The following RSU1 variants were observed in gnomAD, a reference collection of about 807,000 sequenced individuals.
The protein encoded by RSU1 is Ras suppressor protein 1.
Under a neutral mutation model 31.1 loss-of-function variants are expected in RSU1, and 26 were observed. The ratio of observed to expected loss-of-function variants is 0.84; its 90% CI spans 0.61 to 1.16. The LOEUF (loss-of-function observed/expected upper bound fraction) is 1.16. Among genes scored for constraint, RSU1 ranks in the 50% most tolerant of loss-of-function variants. RSU1 has a pLI of 0.00. For missense variants in RSU1, 320 were observed against 339.1 expected (o/e 0.94, Z 0.44); for synonymous variants, 164 against 136.3 (o/e 1.20, Z -1.41).
At chr10:16,801,108 A>AAAG (rs1838147770) in intron 2 of RSU1, among the ~76,000 whole-genome samples, 4 of 149,670 alleles carry the variant, frequency 2.7e-5, no homozygotes, top group Admixed American at 6.7e-5. Flanking sequence ...AAAAAAAAAA[A>AAAG]CAGGATCTAA....
intron 8 of RSU1, among the ~76,000 whole-genome samples, chr10:16,658,924 C>A (rs1834836879): frequency 6.6e-6 from 1 of 152,110 alleles, no homozygotes; most frequent in Non-Finnish European, 1.5e-5. Context: ...CTGTATTGTT[C>A]CAAATGTTAA....
At chr10:16,713,006 C>T (rs1451998415) in intron 7 of RSU1, among the ~76,000 whole-genome samples, 1 of 152,150 alleles carries the variant, frequency 6.6e-6, no homozygotes, top group African/African-American at 2.4e-5. Flanking sequence ...CCCACAAGCC[C>T]CCCTTCTTTC....
chr10:16,712,848 G>A (rs1836049268), intron 7 of RSU1, among the ~76,000 whole-genome samples: 1 of 151,972 alleles, frequency 6.6e-6, no homozygotes, highest in Admixed American at 6.6e-5. Flanking sequence ...TTTTCCAGTG[G>A]TAGCACTCCC....
intron 7 of RSU1, among the ~76,000 whole-genome samples, chr10:16,727,750 G>A (rs1399607464): frequency 2.0e-5 from 3 of 152,036 alleles, no homozygotes; most frequent in Admixed American, 6.5e-5. Context: ...CTAGCCAAAC[G>A]GCATCGTGCT....
intron 3 of RSU1, among the ~76,000 whole-genome samples, chr10:16,774,153 C>G (rs1327774982): frequency 6.6e-6 from 1 of 151,452 alleles, no homozygotes; most frequent in African/African-American, 2.4e-5. Flanking sequence ...CTGTTCAACC[C>G]TGGGAGCTAC....
At chr10:16,719,565 G>C (rs923042746) in intron 7 of RSU1, among the ~76,000 whole-genome samples, 1 of 152,102 alleles carries the variant, frequency 6.6e-6, no homozygotes, top group Non-Finnish European at 1.5e-5. Context: ...TCTTATTTTA[G>C]TTTCTCCCAG....
rs74990616 is a variant in RSU1, at chr10:16,610,682, A to G, written c.732-17186T>C. Among the ~76,000 whole-genome samples the G allele has an allele frequency of 7.8e-4, 119 of 152,316 alleles. 1 individual carries two copies. The East Asian group carries it at 8.3e-3, about 11-fold the overall frequency. On this transcript the variant is annotated intron_variant, in intron 8 of 8. Coordinates refer to ENST00000345264, the MANE Select transcript of RSU1 (RefSeq NM_012425.4). ...CTGATTGTGTATTATGGTGTACTGT[A>G]TATTTATTTCATTATACATTACAAT...
chr10:16,596,177 T>C (rs149428294), intron 8 of RSU1, among the ~76,000 whole-genome samples: 55 of 152,174 alleles, frequency 3.6e-4, no homozygotes, highest in African/African-American at 1.3e-3. Flanking sequence ...CTGCCCCCAA[T>C]TTCCAAAGAT....
chr10:16,629,697 C>T (rs1469847981), intron 8 of RSU1, among the ~76,000 whole-genome samples: 1 of 152,148 alleles, frequency 6.6e-6, no homozygotes, highest in Non-Finnish European at 1.5e-5. Flanking sequence ...CATACTTGTT[C>T]TGCTCTGGAA....
intron 7 of RSU1, among the ~76,000 whole-genome samples, chr10:16,737,615 G>A (rs1031668273): frequency 6.6e-6 from 1 of 151,900 alleles, no homozygotes; most frequent in African/African-American, 2.4e-5. Flanking sequence ...AAATTCTTCA[G>A]GATAAAGGCA....
chr10:16,691,170 T>G (rs931138547), intron 8 of RSU1, among the ~76,000 whole-genome samples: 2 of 152,172 alleles, frequency 1.3e-5, no homozygotes, highest in African/African-American at 4.8e-5. Context: ...AGTAGCCAAA[T>G]ACCTGCTAAT....
chr10:16,795,919 C>G (rs1019582197), intron 2 of RSU1, among the ~76,000 whole-genome samples: 1 of 152,196 alleles, frequency 6.6e-6, no homozygotes, highest in East Asian at 1.9e-4. Flanking sequence ...CTCCATTCTC[C>G]GCTTGAGCAG....
chr10:16,720,841 C>T (rs1836242491), intron 7 of RSU1, among the ~76,000 whole-genome samples: 1 of 152,102 alleles, frequency 6.6e-6, no homozygotes, highest in Non-Finnish European at 1.5e-5. Flanking sequence ...CAGTCATTAG[C>T]TGGGCATGGT....
chr10:16,641,764 C>A (rs1355817882), intron 8 of RSU1, among the ~76,000 whole-genome samples: 1 of 152,200 alleles, frequency 6.6e-6, no homozygotes, highest in Non-Finnish European at 1.5e-5. Context: ...AGGTTCACAT[C>A]CAGTAGCAGT....
chr10:16,616,647 A>G (rs1003876198), intron 8 of RSU1, among the ~76,000 whole-genome samples: 1 of 152,324 alleles, frequency 6.6e-6, no homozygotes, highest in Non-Finnish European at 1.5e-5. Flanking sequence ...ATCCAGCAGC[A>G]CATCAAAAAG....
intron 4 of RSU1, among the ~76,000 whole-genome samples, chr10:16,764,140 A>G (rs1465589818): frequency 6.6e-6 from 1 of 152,226 alleles, no homozygotes; most frequent in East Asian, 1.9e-4. Flanking sequence ...ACTGGACAGA[A>G]AATACAATAA....
chr10:16,789,288 TC>T, intron 2 of RSU1, among the ~76,000 whole-genome samples: 1 of 152,212 alleles, frequency 6.6e-6, no homozygotes, highest in East Asian at 1.9e-4. Context: ...TATTTTTCTT[TC>T]TCACTCTTGC....
chr10:16,732,929 G>C (rs1836544030), intron 7 of RSU1, among the ~76,000 whole-genome samples: 1 of 152,102 alleles, frequency 6.6e-6, no homozygotes, highest in Non-Finnish European at 1.5e-5. Flanking sequence ...TTGGAAGCAT[G>C]GATGGAGTTT....
intron 7 of RSU1, among the ~76,000 whole-genome samples, chr10:16,742,331 G>A (rs1039741991): frequency 1.3e-5 from 2 of 152,044 alleles, no homozygotes; most frequent in Admixed American, 6.6e-5. Context: ...ATGATGTCAC[G>A]GTAAGGCCTA....
Sources: allele counts gnomAD v4.1 joint callset (sites outside exome capture counted in the v4.1 genomes callset), GRCh38; gene constraint gnomAD v4.1.1; transcripts MANE v1.5; gene names NCBI Gene and HGNC (gene_info 2026-07-23, HGNC 2026-07-21).